The following ZNF532 variants were observed in gnomAD, a reference collection of about 807,000 sequenced individuals.
ZNF532 encodes zinc finger protein 532.
Under a neutral mutation model 89.3 loss-of-function variants are expected in ZNF532, and 22 were observed. The observed-to-expected ratio is 0.25, with a 90% CI of 0.18 to 0.35. The LOEUF is 0.35. Among genes scored for constraint, ZNF532 ranks in the 10% least tolerant of loss-of-function variants. The pLI, the probability that ZNF532 is intolerant of heterozygous loss-of-function variation, is 1.00. For missense variants in ZNF532, 1,132 were observed against 1,643.4 expected (o/e 0.69, Z 5.38); for synonymous variants, 606 against 649.6 (o/e 0.93, Z 1.02).
At chr18:58,926,144 T>C (rs1207722297) in intron 3 of ZNF532, 1 of 152,190 alleles carries the variant, frequency 6.6e-6, no homozygotes, top group Non-Finnish European at 1.5e-5. Flanking sequence ...TTGATAGGAA[T>C]TGCATTAAAC....
At position 58,939,246 on chromosome 18, in the gene ZNF532, C is replaced by CAAAAAAAAAAAAAAAAA. The variant is rs71336307; in HGVS notation, c.2529-186_2529-170dup. 5.2e-4 allele frequency among the ~76,000 whole-genome samples: 18 copies of CAAAAAAAAAAAAAAAAA among 34,508 alleles called. 2 individuals are homozygous for CAAAAAAAAAAAAAAAAA. Among genetic ancestry groups the CAAAAAAAAAAAAAAAAA allele is most frequent in the African/African-American group, 8.5e-4 (9 of 10,546 alleles). 22.6% of individuals were successfully genotyped at this position (34,508 alleles called of 152,430 possible). On this transcript the variant is annotated intron_variant, in intron 4 of 9. Coordinates refer to ENST00000591808, the MANE Select transcript of ZNF532 (RefSeq NM_001375912.1). The stretch of plus-strand genomic sequence containing the variant: ...TGGGCGACAGAGCGAGACGTTGTCT[C>CAAAAAAAAAAAAAAAAA]AAAAAAAAAAAAAAAAAAAAAAAAA...
At position 58,981,583 on chromosome 18, in the gene ZNF532, A is replaced by G. The variant is rs1420235889; in HGVS notation, c.3377A>G (p.Asn1126Ser). The change falls in exon 9 of 10, where the codon AAT becomes AGT. Residue 1126 changes from asparagine to serine, a missense_variant. Physicochemically the swap from Asn to Ser is conservative, Grantham distance 46. This residue lies in a region of ZNF532 where 415 missense variants were observed against 604.8 expected (regional missense o/e 0.69). Transcript: ENST00000591808. ...PDLKEMTDAT[N>S]EEETEIKEDT... ...CTGAAAGAAATGACAGATGCCACCA[A>G]TGAGGAGGAAACAGAAATAAAAGAA... 3 of 1,614,196 alleles carry G rather than the reference A, an allele frequency of 1.9e-6. No individual in the cohort carries two copies. In the South Asian group the frequency reaches 3.3e-5, roughly 18 times the overall value.
In ZNF532 at chr18:58,964,561, G is replaced by A. The variant is rs1228419075; in HGVS notation, c.3150+10762G>A. 2.7e-5 allele frequency among the ~76,000 whole-genome samples: 4 copies of A among 149,406 alleles called. No individual in the cohort carries two copies. The East Asian group carries it at 5.8e-4, about 22-fold the overall frequency. On this transcript the variant is annotated intron_variant, in intron 7 of 9. Transcript: ENST00000591808. Reference sequence around the variant, plus strand: ...TGTGTGTGTGTGTGTGTGTGTGTGTGTGTGTGTGTGTGTGTGTGTATACAC... The same window carrying A: ...TGTGTGTGTGTGTGTGTGTGTGTGTATGTGTGTGTGTGTGTGTGTATACAC...
intron 7 of ZNF532, among the ~76,000 whole-genome samples, chr18:58,969,568 T>A (rs1047282583): frequency 6.6e-6 from 1 of 152,200 alleles, no homozygotes; most frequent in Admixed American, 6.5e-5. Flanking sequence ...GATGGTTGAT[T>A]ATACCTACTG....
intron 2 of ZNF532, among the ~76,000 whole-genome samples, chr18:58,876,704 A>G (rs2057459046): frequency 1.3e-5 from 2 of 152,162 alleles, no homozygotes; most frequent in Non-Finnish European, 2.9e-5. Context: ...CATCCAGGAG[A>G]TGGGGCAAAG....
chr18:58,913,450 TATTGA>T (rs1336148759), intron 2 of ZNF532, among the ~76,000 whole-genome samples: 1 of 152,118 alleles, frequency 6.6e-6, no homozygotes, highest in Non-Finnish European at 1.5e-5. Context: ...TCCATTCATT[TATTGA>T]ATTATTTTTT....
chr18:58,954,378 A>C, intron 7 of ZNF532: 2 of 463,638 alleles, frequency 4.3e-6, no homozygotes, highest in Non-Finnish European at 5.7e-6. Context: ...AAAAATACTT[A>C]TTAGACCTAA....
At position 58,920,283 on chromosome 18, in the gene ZNF532, C is replaced by T; in HGVS notation, c.1996C>T (p.Arg666Cys). The stretch of plus-strand genomic sequence containing the variant: ...CAAATGCAGCCTCCTTTCCCATGCC[C>T]GTGGGCATAAGGAGAAAGGGGTGGT... ...YNKCSLLSHA[R>C]GHKEKGVVMQ... is the part of the protein sequence containing the mutation. The change falls in exon 3 of 10, where the codon CGT (arginine) becomes TGT (cysteine). Residue 666 changes from arginine (R) to cysteine (C), a missense_variant. Transcript: ENST00000591808. 3 of 1,613,958 alleles carry T rather than the reference C, an allele frequency of 1.9e-6. No individual in the cohort carries two copies. The highest frequency in any genetic ancestry group is 2.5e-6 in the Non-Finnish European group (3 of 1,179,868).
intron 2 of ZNF532, among the ~76,000 whole-genome samples, chr18:58,888,739 TATTTTATATATATATA>T (rs2058527396): frequency 2.1e-5 from 1 of 46,846 alleles, no homozygotes; most frequent in African/African-American, 1.4e-4. Flanking sequence ...TATATATATA[TATTTTATATATATATA>T]AAATTAATAT....
rs115693810 is a variant in ZNF532 at position 58,911,077 on chromosome 18, G to A, written c.-17-7194G>A. 2.1e-3 allele frequency among the ~76,000 whole-genome samples: 327 copies of A among 152,272 alleles called. 2 individuals carry two copies. Among genetic ancestry groups the A allele is most frequent in the African/African-American group, 7.6e-3 (315 of 41,552 alleles). The stretch of plus-strand genomic sequence containing the variant: ...ATTTCAATGGTGGTTTTGAGAGAGT[G>A]GATTGTCAGAGTGCTGGGGAGATAC... On this transcript the variant is annotated intron_variant, in intron 2 of 9. Transcript: ENST00000591808.
At chr18:58,948,273 A>G (rs760038327) in intron 6 of ZNF532, 44 bp downstream of exon 6, 3 of 1,551,850 alleles carry the variant, frequency 1.9e-6, no homozygotes, top group African/African-American at 1.4e-5. Flanking sequence ...TTGCAGATCC[A>G]TTCATTGGTC....
chr18:58,892,384 C>T (rs931049849), intron 2 of ZNF532, among the ~76,000 whole-genome samples: 2 of 152,108 alleles, frequency 1.3e-5, no homozygotes, highest in African/African-American at 2.4e-5. Context: ...ATGGAAGCCC[C>T]GTAGACCTGG....
At chr18:58,980,138 G>C (rs116564255) in intron 8 of ZNF532, 1 of 152,218 alleles carries the variant, frequency 6.6e-6, no homozygotes. Flanking sequence ...ACTTATGAAG[G>C]TTGGCTGTCA....
chr18:58,909,792 A>G (rs374930214), intron 2 of ZNF532, among the ~76,000 whole-genome samples: 5 of 152,308 alleles, frequency 3.3e-5, no homozygotes, highest in African/African-American at 1.2e-4. Flanking sequence ...CCCAGGAGGA[A>G]GGGCCACTCA....
chr18:58,882,552 C>T (rs2058009224), intron 2 of ZNF532, among the ~76,000 whole-genome samples: 1 of 152,224 alleles, frequency 6.6e-6, no homozygotes, highest in Non-Finnish European at 1.5e-5. Context: ...AGCAATCCTC[C>T]TGTCTCAACC....
At position 58,934,487 on chromosome 18, in the gene ZNF532, C is replaced by T; in HGVS notation, c.2401C>T (p.His801Tyr). The T allele has an allele frequency of 6.2e-7, 1 of 1,614,154 alleles. No homozygotes were observed. Among genetic ancestry groups the T allele is most frequent in the Non-Finnish European group, 8.5e-7 (1 of 1,180,002 alleles). The change falls in exon 4 of 10, where the codon CAC becomes TAC. Residue 801 changes from histidine to tyrosine, a missense_variant. His to Tyr is a moderately conservative substitution (Grantham distance 83). This residue lies in a region of ZNF532 where 100 missense variants were observed against 122.0 expected (regional missense o/e 0.82). Transcript: ENST00000591808. The stretch of plus-strand genomic sequence containing the variant: ...TCCTAACCAGTGCAGTTATGCATCA[C>T]ACCAGAGAATCCATCAGCACAAATC... ...LLPNQCSYAS[H>Y]QRIHQHKSPY...
At chr18:58,875,879 C>T (rs55893174) in intron 2 of ZNF532, among the ~76,000 whole-genome samples, 4,278 of 150,160 alleles carry the variant, frequency 0.028, 207 homozygotes, top group African/African-American at 0.099. Flanking sequence ...GAGCCCTTGT[C>T]GTCTAGAGTG....
At chr18:58,863,901 G>A (rs1359632849), upstream of ZNF532, among the ~76,000 whole-genome samples, 1 of 151,918 alleles carries the variant, frequency 6.6e-6, no homozygotes, top group South Asian at 2.1e-4. Flanking sequence ...GGGTGAGCGC[G>A]TGAGGCTCAG....
At chr18:58,869,674 A>T (rs972849948) in intron 2 of ZNF532, among the ~76,000 whole-genome samples, 5 of 152,048 alleles carry the variant, frequency 3.3e-5, no homozygotes, top group African/African-American at 1.2e-4. Context: ...ATGTATTTTT[A>T]GGAACTGAAA....
Sources: gnomAD v4.1 joint callset for allele counts (sites outside exome capture counted in the v4.1 genomes callset) on GRCh38, gnomAD v4.1.1 for gene constraint, gnomAD v4.1.1 regional missense constraint, MANE v1.5 for transcripts, NCBI Gene and HGNC (gene_info 2026-07-23, HGNC 2026-07-21) for gene names.